NSF: variants seen among roughly 807,000 people sequenced by gnomAD.
The protein encoded by NSF is N-ethylmaleimide sensitive factor, vesicle fusing ATPase, also known as vesicle-fusing ATPase.
In NSF, 14 loss-of-function variants were observed where a neutral mutation model predicts 50.3. That is an observed-to-expected ratio of 0.28 (90% confidence interval 0.18 to 0.44). The LOEUF (loss-of-function observed/expected upper bound fraction) is 0.44. Among genes scored for constraint, NSF ranks in the 20% least tolerant of loss-of-function variants. NSF has a pLI of 1.00. For missense variants in NSF, 218 were observed against 504.3 expected, an observed-to-expected ratio of 0.43 and a Z score of 5.44; for synonymous variants, 109 against 175.7, an observed-to-expected ratio of 0.62 and a Z score of 3.00.
intron 1 of NSF, among the ~76,000 whole-genome samples, chr17:46,602,766 TC>T: frequency 6.8e-6 from 1 of 147,654 alleles, no homozygotes; most frequent in East Asian, 2.0e-4. Flanking sequence ...ACTATTTTTC[TC>T]CTAGAGAATA....
chr17:46,712,718 C>T (rs1411021044), intron 14 of NSF, among the ~76,000 whole-genome samples: 2 of 151,700 alleles, frequency 1.3e-5, no homozygotes, highest in African/African-American at 2.4e-5. Context: ...TGGGTTGAGA[C>T]GAAAAGGAGG....
At chr17:46,708,825 T>A (rs867017020) in intron 13 of NSF, among the ~76,000 whole-genome samples, 5,132 of 104,154 alleles carry the variant, frequency 0.049, 241 homozygotes, top group East Asian at 0.41. Context: ...TATATATATT[T>A]TTTTTTTTTT....
At chr17:46,699,402 G>GAC (rs4061825) in intron 12 of NSF, among the ~76,000 whole-genome samples, 1,277 of 148,126 alleles carry the variant, frequency 8.6e-3, no homozygotes, top group African/African-American at 0.022. Context: ...ATAAACTGAG[G>GAC]ACACACACAC....
At chr17:46,743,087 C>T (rs2059093385) in intron 17 of NSF, among the ~76,000 whole-genome samples, 1 of 152,144 alleles carries the variant, frequency 6.6e-6, no homozygotes, top group Non-Finnish European at 1.5e-5. Context: ...GCCATGACTC[C>T]TTCGGAGGGG....
intron 17 of NSF, among the ~76,000 whole-genome samples, chr17:46,745,563 G>C (rs921757388): frequency 6.6e-6 from 1 of 152,200 alleles, no homozygotes; most frequent in African/African-American, 2.4e-5. Flanking sequence ...TTAAAAGTCC[G>C]GCTTTCTGGA....
Position 46,748,090 on chromosome 17 carries a change from A to T in NSF, c.1909-1683A>T, listed in dbSNP as rs1245229558. On this transcript the variant is annotated intron_variant, in intron 17 of 20. Coordinates refer to ENST00000398238, the MANE Select transcript of NSF (RefSeq NM_006178.4). ...CCTTCAAAATTGTGAGAAAAAAATT[A>T]TTTCTAACCTTTTTATTTATTTATT... is the stretch of plus-strand genomic sequence containing the variant. 5.3e-5 allele frequency among the ~76,000 whole-genome samples: 8 copies of T among 152,216 alleles called. No homozygotes were observed. The East Asian group carries it at 1.5e-3, about 29-fold the overall frequency.
intron 15 of NSF, chr17:46,721,593 A>G: frequency 6.4e-7 from 1 of 1,559,670 alleles, no homozygotes. Flanking sequence ...TACAATTGAA[A>G]CTCTGGGAAT....
At chr17:46,609,263 GTTC>G (rs1220582972) in intron 1 of NSF, among the ~76,000 whole-genome samples, 7 of 147,644 alleles carry the variant, frequency 4.7e-5, no homozygotes, top group Non-Finnish European at 1.0e-4. Flanking sequence ...GTGTATATAT[GTTC>G]TTCTTCAATA....
chr17:46,744,065 C>A (rs2059104500), intron 17 of NSF, among the ~76,000 whole-genome samples: 1 of 152,122 alleles, frequency 6.6e-6, no homozygotes, highest in South Asian at 2.1e-4. Flanking sequence ...TCCTAGATAA[C>A]CCCCCTCCAG....
At chr17:46,736,494 C>G (rs1173034597) in intron 17 of NSF, among the ~76,000 whole-genome samples, 1 of 152,238 alleles carries the variant, frequency 6.6e-6, no homozygotes, top group African/African-American at 2.4e-5. Context: ...GGCCCTCCCT[C>G]TACTCCTTAC....
At chr17:46,743,596 A>C (rs1282637106) in intron 17 of NSF, among the ~76,000 whole-genome samples, 1 of 152,192 alleles carries the variant, frequency 6.6e-6, no homozygotes, top group East Asian at 1.9e-4. Flanking sequence ...GACTTGCCTC[A>C]CCATTGCTTT....
chr17:46,751,296 G>T (rs1422009936), intron 18 of NSF, among the ~76,000 whole-genome samples: 3 of 152,144 alleles, frequency 2.0e-5, no homozygotes, highest in Admixed American at 6.5e-5. Context: ...AGAAAACAGG[G>T]TTTAAGATAC....
chr17:46,742,349 C>G (rs2146323828), intron 17 of NSF, among the ~76,000 whole-genome samples: 1 of 152,280 alleles, frequency 6.6e-6, no homozygotes, highest in South Asian at 2.1e-4. Context: ...AAGGAGTGAT[C>G]TGCTACCCTT....
chr17:46,707,694 T>A (rs552086528), intron 13 of NSF, among the ~76,000 whole-genome samples: 1 of 152,150 alleles, frequency 6.6e-6, no homozygotes, highest in Non-Finnish European at 1.5e-5. Flanking sequence ...GTCAACCATC[T>A]TGCAGCATGT....
intron 19 of NSF, among the ~76,000 whole-genome samples, chr17:46,754,372 G>A (rs1397063996): frequency 3.3e-5 from 5 of 152,070 alleles, no homozygotes; most frequent in African/African-American, 7.2e-5. Context: ...CGTGGTTGGA[G>A]TGGGAGTCCA....
intron 19 of NSF, among the ~76,000 whole-genome samples, chr17:46,753,754 G>T (rs912673520): frequency 5.9e-5 from 9 of 152,120 alleles, no homozygotes; most frequent in Non-Finnish European, 1.3e-4. Flanking sequence ...GGGCACTCAG[G>T]CCTGATCTTC....
intron 17 of NSF, among the ~76,000 whole-genome samples, chr17:46,742,673 G>T (rs1299676298): frequency 6.6e-6 from 1 of 152,168 alleles, no homozygotes; most frequent in Admixed American, 6.5e-5. Context: ...GGAAAGGCCT[G>T]TGTGGCTATG....
At chr17:46,712,759 C>T (rs1390912374) in intron 14 of NSF, among the ~76,000 whole-genome samples, 2 of 151,684 alleles carry the variant, frequency 1.3e-5, no homozygotes, top group African/African-American at 4.9e-5. Flanking sequence ...CATGTTAACA[C>T]GTAAGGACTA....
chr17:46,732,318 G>A (rs2058957361), intron 17 of NSF, among the ~76,000 whole-genome samples: 1 of 152,072 alleles, frequency 6.6e-6, no homozygotes, highest in Non-Finnish European at 1.5e-5. Context: ...ATGTTGTTAT[G>A]TATCCAGATA....
Sources: allele counts gnomAD v4.1 joint callset (sites outside exome capture counted in the v4.1 genomes callset), GRCh38; gene constraint gnomAD v4.1.1; transcripts MANE v1.5; gene names NCBI Gene and HGNC (gene_info 2026-07-23, HGNC 2026-07-21).